Variants in KSR2 observed in about 807,000 individuals in gnomAD.
KSR2 encodes kinase suppressor of ras 2.
KSR2 carries 25 observed loss-of-function variants against 107.8 expected under a neutral mutation model. The observed-to-expected ratio is 0.23, with a 90% CI of 0.17 to 0.32. KSR2 has a LOEUF of 0.32. Ranked by LOEUF, KSR2 falls within the 10% of genes least tolerant of loss-of-function variation. The probability of loss-of-function intolerance (pLI) is 1.00; values close to 1 mark genes in which losing one functional copy is unlikely to be tolerated. For missense variants in KSR2, 887 were observed against 1,268.9 expected, an observed-to-expected ratio of 0.70 and a Z score of 4.57; for synonymous variants, 480 against 507.0, an observed-to-expected ratio of 0.95 and a Z score of 0.71.
chr12:117,664,301 C>T (rs575164608), intron 5 of KSR2, among the ~76,000 whole-genome samples: 14 of 152,280 alleles, frequency 9.2e-5, no homozygotes, highest in East Asian at 5.8e-4. Context: ...TGTCCCCAGG[C>T]GTTACCATCA....
intron 4 of KSR2, among the ~76,000 whole-genome samples, chr12:117,685,647 C>A (rs1177430700): frequency 6.6e-6 from 1 of 152,172 alleles, no homozygotes; most frequent in African/African-American, 2.4e-5. Flanking sequence ...CAAACATTCC[C>A]GAAATCAGAG....
intron 3 of KSR2, among the ~76,000 whole-genome samples, chr12:117,797,579 T>C (rs966787797): frequency 2.0e-5 from 3 of 152,164 alleles, no homozygotes; most frequent in African/African-American, 7.2e-5. Flanking sequence ...GGCACAACAC[T>C]GTGAATGTAC....
chr12:117,601,299 G>GGT (rs1880934459), intron 5 of KSR2, among the ~76,000 whole-genome samples: 1 of 150,036 alleles, frequency 6.7e-6, no homozygotes, highest in Non-Finnish European at 1.5e-5. Context: ...AGATCTTGGG[G>GGT]GGGGGGGTAC....
At chr12:117,605,247 G>A (rs1029947505) in intron 5 of KSR2, among the ~76,000 whole-genome samples, 1 of 152,158 alleles carries the variant, frequency 6.6e-6, no homozygotes, top group African/African-American at 2.4e-5. Flanking sequence ...ATTGGCACAG[G>A]TGTTAAGGAC....
chr12:117,868,732 T>C (rs1893555133), intron 1 of KSR2, among the ~76,000 whole-genome samples: 1 of 147,876 alleles, frequency 6.8e-6, no homozygotes, highest in Non-Finnish European at 1.5e-5. Context: ...AATTATTTAA[T>C]AAATGCATGC....
intron 5 of KSR2, among the ~76,000 whole-genome samples, chr12:117,640,133 C>T (rs535411539): frequency 4.1e-4 from 63 of 152,284 alleles, no homozygotes; most frequent in Admixed American, 3.3e-3. Context: ...GGCCAACTGA[C>T]GGGTGGCCTT....
chr12:117,709,474 C>T (rs746968), intron 4 of KSR2, among the ~76,000 whole-genome samples: 2 of 151,552 alleles, frequency 1.3e-5, no homozygotes. Context: ...TGGGCATGCA[C>T]CACCATGCCT....
At chr12:117,688,655 T>A (rs1885684579) in intron 4 of KSR2, among the ~76,000 whole-genome samples, 1 of 152,192 alleles carries the variant, frequency 6.6e-6, no homozygotes, top group Non-Finnish European at 1.5e-5. Flanking sequence ...AACCAGACTC[T>A]AAGGCCTGAA....
At chr12:117,852,516 C>T (rs926567196) in intron 3 of KSR2, among the ~76,000 whole-genome samples, 7 of 152,136 alleles carry the variant, frequency 4.6e-5, no homozygotes, top group African/African-American at 1.7e-4. Flanking sequence ...AATGACTATT[C>T]TTCCCCATGG....
At position 117,784,665 on chromosome 12, in the gene KSR2, C is replaced by T. The variant is rs565714179; in HGVS notation, c.473-23141G>A. 1.8e-4 allele frequency among the ~76,000 whole-genome samples: 28 copies of T among 152,178 alleles called. No individual in the cohort carries two copies. The South Asian group carries it at 2.7e-3, about 15-fold the overall frequency. ...TCTCTCTTTTCTCTCACCACTTTAC[C>T]GCCAATGAGAAGGCCAGTCATTCAG... On this transcript the variant is annotated intron_variant, in intron 3 of 19. Coordinates refer to ENST00000339824, the MANE Select transcript of KSR2 (RefSeq NM_173598.6).
chr12:117,599,642 C>T (rs1482886470), intron 5 of KSR2, among the ~76,000 whole-genome samples: 1 of 152,100 alleles, frequency 6.6e-6, no homozygotes, highest in Non-Finnish European at 1.5e-5. Context: ...AAGCACTGTC[C>T]TCCCTAAGCT....
At chr12:117,806,148 G>A (rs2137035540) in intron 3 of KSR2, among the ~76,000 whole-genome samples, 1 of 152,282 alleles carries the variant, frequency 6.6e-6, no homozygotes, top group African/African-American at 2.4e-5. Context: ...AAAAGTTAAG[G>A]CTCAGGAGGG....
intron 1 of KSR2, among the ~76,000 whole-genome samples, chr12:117,938,269 T>A (rs1895905316): frequency 6.6e-6 from 1 of 152,158 alleles, no homozygotes. Context: ...CATGCCAGAC[T>A]GACATTTGTG....
chr12:117,804,061 G>T (rs1371078619), intron 3 of KSR2, among the ~76,000 whole-genome samples: 1 of 152,162 alleles, frequency 6.6e-6, no homozygotes, highest in Non-Finnish European at 1.5e-5. Flanking sequence ...TTTGGGGTTT[G>T]AGACAGGATT....
At chr12:117,624,008 G>A (rs531540404) in intron 5 of KSR2, among the ~76,000 whole-genome samples, 33 of 152,308 alleles carry the variant, frequency 2.2e-4, no homozygotes, top group African/African-American at 7.9e-4. Context: ...TCATGTGTCT[G>A]TTGGTTGCAT....
rs186257291 is a variant in KSR2, at chr12:117,820,460, C to T, written c.472+34968G>A. Among the ~76,000 whole-genome samples, 305 of 152,292 alleles carry T rather than the reference C, an allele frequency of 2.0e-3. 2 individuals are homozygous for T. The highest frequency in any genetic ancestry group is 2.4e-3 in the Non-Finnish European group (165 of 68,030). On this transcript the variant is annotated intron_variant, in intron 3 of 19. Coordinates refer to ENST00000339824, the MANE Select transcript of KSR2 (RefSeq NM_173598.6). ...ACCTGCGGATCGTTTTCAGAGCTCA[C>T]TGGAATATGTTTAAGCATGTAATAA...
chr12:117,495,339 A>G (rs1303324168), intron 14 of KSR2, among the ~76,000 whole-genome samples: 1 of 152,170 alleles, frequency 6.6e-6, no homozygotes, highest in East Asian at 1.9e-4. Context: ...TCTAACACTC[A>G]AGATATTAAA....
intron 3 of KSR2, among the ~76,000 whole-genome samples, chr12:117,795,401 G>A (rs1412736113): frequency 1.3e-5 from 2 of 152,058 alleles, no homozygotes; most frequent in African/African-American, 2.4e-5. Context: ...CTTTTCACAC[G>A]GAGCTCAGCA....
intron 4 of KSR2, among the ~76,000 whole-genome samples, chr12:117,730,675 G>T (rs145475521): frequency 0.058 from 8,852 of 152,258 alleles, 863 homozygotes; most frequent in African/African-American, 0.2. Flanking sequence ...CGCCTGACTG[G>T]TTTTTGTATT....
Sources: gnomAD v4.1 joint callset for allele counts (sites outside exome capture counted in the v4.1 genomes callset) on GRCh38, gnomAD v4.1.1 for gene constraint, MANE v1.5 for transcripts, NCBI Gene and HGNC (gene_info 2026-07-23, HGNC 2026-07-21) for gene names.